CASD1: variants seen among roughly 807,000 people sequenced by gnomAD.
CASD1 encodes CAS1 domain sialic acid O acetyltransferase 1.
In CASD1, 41 loss-of-function variants were observed where a neutral mutation model predicts 100.0. The observed-to-expected ratio is 0.41, with a 90% CI of 0.32 to 0.53. The LOEUF (loss-of-function observed/expected upper bound fraction) is 0.53, where lower values mean the gene tolerates loss of function less well. Ranked by LOEUF, CASD1 falls within the 20% of genes least tolerant of loss-of-function variation. The pLI, the probability that CASD1 is intolerant of heterozygous loss-of-function variation, is 0.25. For missense variants in CASD1, 774 were observed against 948.7 expected (o/e 0.82, Z 2.42); for synonymous variants, 321 against 315.6 (o/e 1.02, Z -0.18).
At chr7:94,559,804 C>T (rs1423950936), downstream of CASD1, among the ~76,000 whole-genome samples, 5 of 152,062 alleles carry the variant, frequency 3.3e-5, no homozygotes, top group Admixed American at 2.0e-4. Context: ...AGGATATAGG[C>T]GTGAGCCACC....
intron 4 of CASD1, 28 bp downstream of exon 4, chr7:94,527,234 G>A: frequency 6.6e-7 from 1 of 1,519,676 alleles, no homozygotes; most frequent in South Asian, 1.1e-5. Context: ...TAAGCTAGAT[G>A]TTACAATGTT....
At chr7:94,554,459 T>C (rs768269118) in intron 16 of CASD1, 24 bp from the exon 17 acceptor site, 6 of 1,433,102 alleles carry the variant, frequency 4.2e-6, no homozygotes, top group Non-Finnish European at 5.9e-6. Flanking sequence ...ATTATTAATA[T>C]TTGCTTTTGT....
chr7:94,520,034 T>C (rs1007434291), intron 3 of CASD1, among the ~76,000 whole-genome samples: 4 of 152,218 alleles, frequency 2.6e-5, no homozygotes, highest in African/African-American at 7.2e-5. Flanking sequence ...TAGTCTAGGA[T>C]GCTCAGTTAT....
At chr7:94,524,020 A>G (rs1257681478) in intron 3 of CASD1, among the ~76,000 whole-genome samples, 4 of 152,110 alleles carry the variant, frequency 2.6e-5, no homozygotes, top group African/African-American at 9.7e-5. Flanking sequence ...CCTACCTCAC[A>G]CCATCTAGTA....
intron 4 of CASD1, among the ~76,000 whole-genome samples, 158 bp from the exon 5 acceptor site, chr7:94,528,030 G>T (rs1179396179): frequency 1.3e-5 from 2 of 152,206 alleles, no homozygotes; most frequent in Non-Finnish European, 2.9e-5. Flanking sequence ...GAGAACTATT[G>T]TAAGACTCTT....
At chr7:94,512,446 G>C (rs184644416) in intron 1 of CASD1, among the ~76,000 whole-genome samples, 1 of 152,204 alleles carries the variant, frequency 6.6e-6, no homozygotes, top group Non-Finnish European at 1.5e-5. Flanking sequence ...GTGAGTATGA[G>C]TGTGCTGAGG....
chr7:94,597,574 TGAGA>T, the CASD1 span: 1 of 151,936 alleles, frequency 6.6e-6, no homozygotes. Context: ...AAAGAGAGAC[TGAGA>T]GAGTGAGAAA....
At chr7:94,587,864 CCAACA>C in the CASD1 span, 29 of 1,524,018 alleles carry the variant, frequency 1.9e-5, no homozygotes, top group South Asian at 3.6e-4. Context: ...ATGAAAACAT[CCAACA>C]CATTTCTGAA....
At chr7:94,547,730 C>T (rs1584428467) in intron 13 of CASD1, among the ~76,000 whole-genome samples, 2 of 151,756 alleles carry the variant, frequency 1.3e-5, no homozygotes, top group African/African-American at 4.8e-5. Context: ...GGATGGCAAT[C>T]TTGCTACCTG....
chr7:94,576,764 G>A, the CASD1 span, among the ~76,000 whole-genome samples: 1 of 152,186 alleles, frequency 6.6e-6, no homozygotes, highest in African/African-American at 2.4e-5. Context: ...TTGGAAGTTT[G>A]AACTTGATTT....
chr7:94,573,323 G>C, the CASD1 span, among the ~76,000 whole-genome samples: 7 of 152,348 alleles, frequency 4.6e-5, no homozygotes, highest in African/African-American at 9.6e-5. Context: ...TGGGCAGTAT[G>C]CCCATTTTAA....
the CASD1 span, chr7:94,619,629 TTA>T: frequency 2.0e-5 from 3 of 152,218 alleles, no homozygotes; most frequent in African/African-American, 7.2e-5. Context: ...AATTGTTCTC[TTA>T]CGATAAATAA....
chr7:94,521,751 T>G (rs1384878393), intron 3 of CASD1, among the ~76,000 whole-genome samples: 1 of 152,166 alleles, frequency 6.6e-6, no homozygotes. Context: ...TATCCATATA[T>G]GAAAAAGCTA....
the CASD1 span, among the ~76,000 whole-genome samples, chr7:94,601,402 T>TA: frequency 7.7e-6 from 1 of 129,640 alleles, no homozygotes; most frequent in Non-Finnish European, 1.5e-5. Context: ...GTCTAGGGAA[T>TA]ATGGAACCTA....
rs1795074542 is a variant in CASD1, at chr7:94,535,502, T to G, written c.822T>G (p.Leu274=). The stretch of plus-strand genomic sequence containing the variant: ...TGGAATCTTTGGATGGCTTACATCT[T>G]CCTGAATCGAGCAGAGAAACTGTGA... The part of the protein sequence containing the change: ...TIMESLDGLH[L]PESSRETTAM... Residue 274 remains leucine (L), a synonymous_variant, in exon 8 of 18, where the codon CTT becomes CTG. Coordinates refer to ENST00000297273, the MANE Select transcript of CASD1 (RefSeq NM_022900.5). The G allele has an allele frequency of 6.2e-7, 1 of 1,613,524 alleles. No homozygotes were observed. Among genetic ancestry groups the G allele is most frequent in the African/African-American group, 1.3e-5 (1 of 75,008 alleles).
chr7:94,629,642 CAT>C, the CASD1 span: 3 of 1,246,794 alleles, frequency 2.4e-6, no homozygotes, highest in African/African-American at 3.0e-5. Flanking sequence ...GATATTTTAT[CAT>C]ATATGTCTAT....
the CASD1 span, among the ~76,000 whole-genome samples, chr7:94,562,843 G>T: frequency 1.3e-5 from 2 of 152,020 alleles, no homozygotes; most frequent in Admixed American, 6.6e-5. Flanking sequence ...GTCTGGGAGT[G>T]GTTTCATTTT....
the CASD1 span, chr7:94,590,850 ATAT>A: frequency 6.6e-6 from 1 of 152,236 alleles, no homozygotes; most frequent in Non-Finnish European, 1.5e-5. Flanking sequence ...AGCCAGGCAA[ATAT>A]TATGTTCCAA....
At chr7:94,538,117 G>A (rs1421417990) in intron 9 of CASD1, among the ~76,000 whole-genome samples, 1 of 151,998 alleles carries the variant, frequency 6.6e-6, no homozygotes, top group Admixed American at 6.6e-5. Context: ...TGAAAAGTTG[G>A]GAAATATGAC....
Sources: allele counts gnomAD v4.1 joint callset (sites outside exome capture counted in the v4.1 genomes callset), GRCh38; gene constraint gnomAD v4.1.1; transcripts MANE v1.5; gene names NCBI Gene and HGNC (gene_info 2026-07-23, HGNC 2026-07-21).